Variants in CYP39A1 observed in about 807,000 individuals in gnomAD.
CYP39A1 encodes 24-hydroxycholesterol 7-alpha-hydroxylase.
In CYP39A1, 49 loss-of-function variants were observed where a neutral mutation model predicts 58.1. That is an observed-to-expected ratio of 0.84 (90% confidence interval 0.67 to 1.07). The LOEUF is 1.07. Ranked by LOEUF, CYP39A1 falls within the 50% of genes least tolerant of loss-of-function variation. The pLI is 0.00. For synonymous variants in CYP39A1, 209 were observed against 187.6 expected (o/e 1.11, Z -0.93); for missense variants, 531 against 539.4 (o/e 0.98, Z 0.16).
intron 10 of CYP39A1, among the ~76,000 whole-genome samples, chr6:46,556,497 C>T (rs771463325): frequency 1.2e-4 from 18 of 151,922 alleles, no homozygotes; most frequent in African/African-American, 1.7e-4. Context: ...ACTACTGAGA[C>T]GGAAAAAGAA....
intron 10 of CYP39A1, among the ~76,000 whole-genome samples, chr6:46,569,407 T>G (rs1299443650): frequency 6.6e-6 from 1 of 152,102 alleles, no homozygotes; most frequent in East Asian, 1.9e-4. Context: ...TCCAGTACTA[T>G]GTCAAATACA....
chr6:46,586,366 T>A, intron 10 of CYP39A1: 3 of 984,490 alleles, frequency 3.0e-6, no homozygotes, highest in Non-Finnish European at 3.6e-6. Flanking sequence ...TCATCCCCAA[T>A]GAAGAAATGT....
At chr6:46,596,236 T>C in intron 7 of CYP39A1, 116 bp from the exon 8 acceptor site, 1 of 673,340 alleles carries the variant, frequency 1.5e-6, no homozygotes, top group East Asian at 2.9e-5. Flanking sequence ...AGTGTTCCTA[T>C]TACTATTACC....
chr6:46,587,062 A>G lies in CYP39A1; in HGVS notation c.1250+15T>C, dbSNP rs774408686. The G allele has an allele frequency of 6.3e-7, 1 of 1,597,390 alleles. No individual in the cohort carries two copies. Among genetic ancestry groups the G allele is most frequent in the Admixed American group, 1.7e-5 (1 of 59,382 alleles). ...CAGACTTTCTGGATAAATGTGGCCC[A>G]GCTGTCTCACTGACCTTGCAGGACA... On this transcript the variant is annotated intron_variant, in intron 10 of 11. Transcript: ENST00000275016.
intron 8 of CYP39A1, among the ~76,000 whole-genome samples, chr6:46,589,882 T>G (rs1411187080): frequency 6.6e-6 from 1 of 152,058 alleles, no homozygotes; most frequent in African/African-American, 2.4e-5. Flanking sequence ...TGTTGACCTG[T>G]GATCATGACT....
At chr6:46,566,194 G>A (rs1174456853) in intron 10 of CYP39A1, among the ~76,000 whole-genome samples, 1 of 152,120 alleles carries the variant, frequency 6.6e-6, no homozygotes, top group Admixed American at 6.6e-5. Flanking sequence ...TGATCCTATG[G>A]TTACTCCTCC....
chr6:46,610,136 TA>T (rs923959484), intron 7 of CYP39A1, among the ~76,000 whole-genome samples: 7 of 152,190 alleles, frequency 4.6e-5, no homozygotes, highest in Non-Finnish European at 7.4e-5. Flanking sequence ...AACAATTTTT[TA>T]AAAAAACTAT....
chr6:46,569,052 T>C (rs1263610390), intron 10 of CYP39A1, among the ~76,000 whole-genome samples: 2 of 152,164 alleles, frequency 1.3e-5, no homozygotes, highest in African/African-American at 4.8e-5. Flanking sequence ...GTCCTTAATT[T>C]CTATCAGCAA....
chr6:46,639,474 A>C lies in CYP39A1; in HGVS notation c.488+20T>G, dbSNP rs1348549888. The C allele has an allele frequency of 1.9e-6, 3 of 1,609,946 alleles. No homozygotes were observed. Among genetic ancestry groups the C allele is most frequent in the South Asian group, 2.2e-5 (2 of 90,154 alleles). ...TTAAAACAAAAAGCAAGACTAAATCATACTAATGCGTCTATTTACCTTACT... is the reference window on the plus strand; with the variant it reads ...TTAAAACAAAAAGCAAGACTAAATCCTACTAATGCGTCTATTTACCTTACT... On this transcript the variant is annotated intron_variant, in intron 3 of 11. Transcript: ENST00000275016.
At chr6:46,637,035 T>C (rs1776032201) in intron 4 of CYP39A1, among the ~76,000 whole-genome samples, 1 of 152,148 alleles carries the variant, frequency 6.6e-6, no homozygotes, top group Non-Finnish European at 1.5e-5. Context: ...ACAGCCCTCA[T>C]GAAAAGGAGT....
At chr6:46,627,495 T>A (rs907947037) in intron 6 of CYP39A1, among the ~76,000 whole-genome samples, 1 of 151,920 alleles carries the variant, frequency 6.6e-6, no homozygotes, top group Non-Finnish European at 1.5e-5. Context: ...CTCGGCTCAC[T>A]GCAAGCTCCG....
intron 5 of CYP39A1, among the ~76,000 whole-genome samples, chr6:46,636,151 C>T (rs893646432): frequency 6.6e-6 from 1 of 152,046 alleles, no homozygotes; most frequent in Non-Finnish European, 1.5e-5. Context: ...TACGGAACAT[C>T]GGAATTGTAT....
At chr6:46,636,172 G>A (rs1034603639) in intron 5 of CYP39A1, among the ~76,000 whole-genome samples, 3 of 151,998 alleles carry the variant, frequency 2.0e-5, no homozygotes, top group Non-Finnish European at 2.9e-5. Flanking sequence ...TTTTTTGCTC[G>A]TTGTCTCTGG....
chr6:46,614,881 G>A (rs945161437), intron 7 of CYP39A1, among the ~76,000 whole-genome samples: 5 of 152,160 alleles, frequency 3.3e-5, no homozygotes, highest in African/African-American at 1.2e-4. Context: ...GCATGACACT[G>A]CCACTGATGT....
At chr6:46,587,020 G>A in intron 10 of CYP39A1, 57 bp downstream of exon 10, 1 of 1,238,306 alleles carries the variant, frequency 8.1e-7, no homozygotes, top group Non-Finnish European at 1.2e-6. Context: ...GTTCCCCTCT[G>A]AGCCATCATC....
intron 10 of CYP39A1, among the ~76,000 whole-genome samples, chr6:46,559,754 A>G (rs1770869027): frequency 6.6e-6 from 1 of 152,166 alleles, no homozygotes; most frequent in East Asian, 1.9e-4. Flanking sequence ...TGAATGTAAC[A>G]CACCTGTCTT....
chr6:46,581,761 T>C (rs1237764377), intron 10 of CYP39A1, among the ~76,000 whole-genome samples: 3 of 152,186 alleles, frequency 2.0e-5, no homozygotes, highest in Admixed American at 6.6e-5. Flanking sequence ...CTTGCACATG[T>C]ACCCCCCTTG....
intron 7 of CYP39A1, among the ~76,000 whole-genome samples, chr6:46,620,574 T>C (rs1302622629): frequency 1.3e-5 from 2 of 152,106 alleles, no homozygotes; most frequent in East Asian, 3.8e-4. Context: ...TTCCCAGGAA[T>C]TTAGAAGGGC....
At chr6:46,567,339 T>C (rs946896132) in intron 10 of CYP39A1, among the ~76,000 whole-genome samples, 1 of 139,538 alleles carries the variant, frequency 7.2e-6, no homozygotes, top group Non-Finnish European at 1.5e-5. Context: ...AAATATTCCA[T>C]ATATATATAT....
Sources: allele counts gnomAD v4.1 joint callset (sites outside exome capture counted in the v4.1 genomes callset), GRCh38; gene constraint gnomAD v4.1.1; transcripts MANE v1.5; gene names NCBI Gene and HGNC (gene_info 2026-07-23, HGNC 2026-07-21).